Variants in SAMD12 observed in about 807,000 individuals in gnomAD.
SAMD12 encodes sterile alpha motif domain containing 12.
In SAMD12, 9 loss-of-function variants were observed where a neutral mutation model predicts 15.0. The ratio of observed to expected loss-of-function variants is 0.60; its 90% CI spans 0.36 to 1.05. The LOEUF is 1.05. Among genes scored for constraint, SAMD12 ranks in the 50% least tolerant of loss-of-function variants. The pLI, the probability that SAMD12 is intolerant of heterozygous loss-of-function variation, is 0.01. For synonymous variants in SAMD12, 86 were observed against 90.1 expected (o/e 0.96, Z 0.25); for missense variants, 230 against 234.2 (o/e 0.98, Z 0.12).
Position 118,378,596 on chromosome 8 carries a change from T to C in SAMD12, c.*821A>G, listed in dbSNP as rs1168815538. 1 of 985,256 alleles carries C rather than the reference T, an allele frequency of 1.0e-6. No individual in the cohort carries two copies. The highest frequency in any genetic ancestry group is 1.2e-6 in the Non-Finnish European group (1 of 829,872). 61.0% of individuals were successfully genotyped at this position (985,256 alleles called of 1,614,324 possible). A position where few individuals can be genotyped will look rare whatever the true frequency, so the allele number is the denominator to read the frequency against. On this transcript the variant is annotated 3_prime_UTR_variant, in exon 4 of 4. Transcript: ENST00000314727. ...TAAATGCAATAACATGAAACTTGGC[T>C]GACCCAGATTTCTCCAATATCGGTA...
At chr8:118,237,910 G>A (rs1812471443) in intron 4 of SAMD12, among the ~76,000 whole-genome samples, 1 of 152,062 alleles carries the variant, frequency 6.6e-6, no homozygotes, top group Non-Finnish European at 1.5e-5. Flanking sequence ...AAGCAAACAA[G>A]GCCTTTCTCA....
chr8:118,509,623 C>T (rs1045426786), intron 2 of SAMD12, among the ~76,000 whole-genome samples: 1 of 152,194 alleles, frequency 6.6e-6, no homozygotes, highest in African/African-American at 2.4e-5. Context: ...TGTAGCATCA[C>T]ACACATAATA....
chr8:118,303,340 G>A (rs1230279255), intron 4 of SAMD12, among the ~76,000 whole-genome samples: 28 of 152,130 alleles, frequency 1.8e-4, no homozygotes, highest in Non-Finnish European at 1.5e-5. Context: ...AGCATTACTG[G>A]AGGTTCTTAT....
intron 4 of SAMD12, among the ~76,000 whole-genome samples, chr8:118,328,640 AG>A (rs1816670323): frequency 6.6e-6 from 1 of 152,196 alleles, no homozygotes; most frequent in African/African-American, 2.4e-5. Context: ...TTAAAGTATA[AG>A]GCAGTGTGAT....
intron 4 of SAMD12, among the ~76,000 whole-genome samples, chr8:118,302,330 T>C (rs1298310403): frequency 1.3e-5 from 2 of 152,150 alleles, no homozygotes; most frequent in Non-Finnish European, 2.9e-5. Context: ...CATAAATTCA[T>C]TTATAATGTG....
chr8:118,248,052 C>T (rs1563714616), intron 4 of SAMD12, among the ~76,000 whole-genome samples: 2 of 151,974 alleles, frequency 1.3e-5, no homozygotes, highest in Non-Finnish European at 2.9e-5. Flanking sequence ...TCTCAGAGTT[C>T]ACTGTTAATT....
chr8:118,440,769 C>CA (rs1038742922), intron 2 of SAMD12, among the ~76,000 whole-genome samples: 3 of 151,574 alleles, frequency 2.0e-5, no homozygotes, highest in Non-Finnish European at 2.9e-5. Context: ...TGATGGATTA[C>CA]AAATACATTT....
At chr8:118,277,052 C>T (rs1813491874) in intron 4 of SAMD12, among the ~76,000 whole-genome samples, 1 of 152,112 alleles carries the variant, frequency 6.6e-6, no homozygotes, top group East Asian at 1.9e-4. Context: ...AATTAGACTA[C>T]AGGTACCCTC....
At chr8:118,302,078 GTTTTT>G (rs58076997) in intron 4 of SAMD12, among the ~76,000 whole-genome samples, 21 of 74,686 alleles carry the variant, frequency 2.8e-4, no homozygotes, top group African/African-American at 3.5e-4. Flanking sequence ...ATCTTTGAGA[GTTTTT>G]TTTTTTTTTT....
intron 3 of SAMD12, among the ~76,000 whole-genome samples, chr8:118,390,239 A>G (rs1366749960): frequency 6.6e-6 from 1 of 152,022 alleles, no homozygotes; most frequent in Non-Finnish European, 1.5e-5. Context: ...TGATCTCCTG[A>G]CCTCGTAAGC....
chr8:118,235,200 A>G (rs892124041), intron 4 of SAMD12, among the ~76,000 whole-genome samples: 1 of 151,836 alleles, frequency 6.6e-6, no homozygotes, highest in African/African-American at 2.4e-5. Context: ...CTTTAAATAC[A>G]TATGATTATT....
At chr8:118,295,535 G>C (rs1489124225) in intron 4 of SAMD12, 1 of 151,860 alleles carries the variant, frequency 6.6e-6, no homozygotes, top group Non-Finnish European at 1.5e-5. Context: ...ATTTAGTTTT[G>C]TAAATCCACA....
intron 2 of SAMD12, among the ~76,000 whole-genome samples, chr8:118,505,909 G>T (rs904711099): frequency 6.6e-6 from 1 of 151,910 alleles, no homozygotes; most frequent in Non-Finnish European, 1.5e-5. Context: ...TCTTCCTCAG[G>T]CCCCAGAACA....
chr8:118,370,106 C>T (rs1586616102), intron 4 of SAMD12, among the ~76,000 whole-genome samples: 1 of 151,928 alleles, frequency 6.6e-6, no homozygotes, highest in African/African-American at 2.4e-5. Context: ...CAAACAACCC[C>T]ATTAAAAAGT....
At chr8:118,283,335 G>A (rs1206020739) in intron 4 of SAMD12, among the ~76,000 whole-genome samples, 2 of 152,082 alleles carry the variant, frequency 1.3e-5, no homozygotes, top group African/African-American at 4.8e-5. Context: ...TCTCCTATGA[G>A]GTCAGAGCAA....
At chr8:118,139,336 TAA>T in the SAMD12 span, among the ~76,000 whole-genome samples, 7 of 152,138 alleles carry the variant, frequency 4.6e-5, no homozygotes, top group African/African-American at 7.2e-5. Flanking sequence ...AAATTAACAA[TAA>T]GTTTCTATTC....
In SAMD12 at chr8:118,429,786, C is replaced by T. The variant is rs541993967; in HGVS notation, c.322+10046G>A. ...GCAGATGCCTATAATCCCAGCTACT[C>T]GGGAGGCTGAGGAAGGAGAATCGCT... On this transcript the variant is annotated intron_variant, in intron 3 of 3. Transcript: ENST00000314727. Among the ~76,000 whole-genome samples, 59 of 152,132 alleles carry T rather than the reference C, an allele frequency of 3.9e-4. No individual in the cohort carries two copies. In the Middle Eastern group the frequency reaches 0.024, roughly 61 times the overall value.
intron 3 of SAMD12, among the ~76,000 whole-genome samples, chr8:118,420,216 C>T (rs987746479): frequency 6.6e-5 from 10 of 152,134 alleles, no homozygotes; most frequent in Admixed American, 3.9e-4. Context: ...AATCGGGACT[C>T]TTACAACTAA....
chr8:118,605,655 T>C (rs1055541507), intron 1 of SAMD12, among the ~76,000 whole-genome samples: 1 of 151,836 alleles, frequency 6.6e-6, no homozygotes, highest in Admixed American at 6.6e-5. Flanking sequence ...CGCTATGAAA[T>C]TTTTTTAAAG....
Sources: allele counts gnomAD v4.1 joint callset (sites outside exome capture counted in the v4.1 genomes callset), GRCh38; gene constraint gnomAD v4.1.1; transcripts MANE v1.5; gene names NCBI Gene and HGNC (gene_info 2026-07-23, HGNC 2026-07-21).